Variants in GULP1 observed in about 807,000 individuals in gnomAD.
The protein encoded by GULP1 is PTB domain-containing engulfment adapter protein 1.
A neutral mutation model predicts 40.9 loss-of-function variants in GULP1; 19 were observed. The observed-to-expected ratio is 0.46, with a 90% CI of 0.32 to 0.68. The LOEUF (loss-of-function observed/expected upper bound fraction) is 0.68, where lower values mean the gene tolerates loss of function less well. GULP1 is among the 30% of genes least tolerant of loss of function. GULP1 has a pLI of 0.03. For missense variants in GULP1, 312 were observed against 362.2 expected, an observed-to-expected ratio of 0.86 and a Z score of 1.12; for synonymous variants, 119 against 117.6, an observed-to-expected ratio of 1.01 and a Z score of -0.08.
chr2:188,410,753 A>G (rs1242467798), intron 2 of GULP1, among the ~76,000 whole-genome samples: 2 of 152,194 alleles, frequency 1.3e-5, no homozygotes, highest in African/African-American at 4.8e-5. Flanking sequence ...CCTCTAGGTT[A>G]GCAGATGGAA....
At chr2:188,367,495 G>T (rs1229352265) in intron 1 of GULP1, among the ~76,000 whole-genome samples, 4 of 152,114 alleles carry the variant, frequency 2.6e-5, no homozygotes, top group Non-Finnish European at 4.4e-5. Flanking sequence ...AGAATCAGGT[G>T]GTATTTAATA....
At chr2:188,515,343 A>G (rs1024301060) in intron 4 of GULP1, among the ~76,000 whole-genome samples, 5 of 152,144 alleles carry the variant, frequency 3.3e-5, no homozygotes, top group Admixed American at 2.0e-4. Context: ...CTGAGGACCC[A>G]GGATGCTGGC....
chr2:188,354,349 G>A (rs2044954329), intron 1 of GULP1, among the ~76,000 whole-genome samples: 1 of 152,126 alleles, frequency 6.6e-6, no homozygotes, highest in Non-Finnish European at 1.5e-5. Context: ...TAGGGCAGAA[G>A]TGCTCTGAAG....
intron 2 of GULP1, among the ~76,000 whole-genome samples, chr2:188,416,215 C>G (rs1490499804): frequency 6.6e-6 from 1 of 152,130 alleles, no homozygotes; most frequent in African/African-American, 2.4e-5. Flanking sequence ...CTCCCTTCCC[C>G]TGTCCCACAC....
At chr2:188,320,955 T>C (rs189286088) in intron 1 of GULP1, among the ~76,000 whole-genome samples, 1 of 151,696 alleles carries the variant, frequency 6.6e-6, no homozygotes, top group Non-Finnish European at 1.5e-5. Flanking sequence ...AAACCAACTG[T>C]CCTTCAGAGT....
intron 4 of GULP1, among the ~76,000 whole-genome samples, chr2:188,517,473 G>T (rs964186936): frequency 6.6e-6 from 1 of 151,196 alleles, no homozygotes; most frequent in African/African-American, 2.4e-5. Flanking sequence ...TTTTTATTGC[G>T]CTCCCTCTAC....
At chr2:188,401,398 A>T (rs1273445358) in intron 2 of GULP1, among the ~76,000 whole-genome samples, 3 of 152,076 alleles carry the variant, frequency 2.0e-5, no homozygotes, top group African/African-American at 7.2e-5. Flanking sequence ...GGGTGCTTTT[A>T]TTTATGTATT....
intron 1 of GULP1, among the ~76,000 whole-genome samples, chr2:188,338,078 A>T (rs892100821): frequency 1.1e-4 from 17 of 152,072 alleles, no homozygotes; most frequent in Non-Finnish European, 2.2e-4. Flanking sequence ...ATTATAAATT[A>T]AATTCCTTTA....
At chr2:188,364,302 G>A (rs2046457094) in intron 1 of GULP1, among the ~76,000 whole-genome samples, 1 of 151,988 alleles carries the variant, frequency 6.6e-6, no homozygotes, top group Non-Finnish European at 1.5e-5. Context: ...CAGGGTTATT[G>A]GGTTACTTAA....
chr2:188,392,520 AGTTT>A (rs1162447285), intron 2 of GULP1, among the ~76,000 whole-genome samples: 4 of 151,780 alleles, frequency 2.6e-5, no homozygotes, highest in South Asian at 4.2e-4. Context: ...TGGTCTATCT[AGTTT>A]GTTTATCTTT....
intron 1 of GULP1, among the ~76,000 whole-genome samples, chr2:188,365,875 T>A (rs566358446): frequency 6.6e-6 from 1 of 152,290 alleles, no homozygotes; most frequent in African/African-American, 2.4e-5. Context: ...AAGCCATGAA[T>A]GTGCTGCAGA....
chr2:188,532,851 G>T (rs979631402), intron 6 of GULP1, among the ~76,000 whole-genome samples: 1 of 152,054 alleles, frequency 6.6e-6, no homozygotes, highest in Non-Finnish European at 1.5e-5. Flanking sequence ...AACCCGGTAG[G>T]TGGAGGTTGC....
intron 7 of GULP1, among the ~76,000 whole-genome samples, chr2:188,548,087 T>A (rs902998316): frequency 2.0e-5 from 3 of 152,056 alleles, no homozygotes; most frequent in Non-Finnish European, 4.4e-5. Context: ...CTTTTCACTC[T>A]CTTGGCTCAT....
intron 9 of GULP1, among the ~76,000 whole-genome samples, chr2:188,572,146 T>A (rs1699182225): frequency 6.6e-6 from 1 of 152,194 alleles, no homozygotes; most frequent in Non-Finnish European, 1.5e-5. Context: ...ACAGGAGGAA[T>A]GACAAGATGA....
chr2:188,455,779 G>C (rs180920750), intron 2 of GULP1, among the ~76,000 whole-genome samples: 27 of 152,298 alleles, frequency 1.8e-4, no homozygotes, highest in African/African-American at 6.0e-4. Flanking sequence ...AGTTTGGAGG[G>C]CTCAGAAGAA....
chr2:188,515,742 G>A (rs1321836008), intron 4 of GULP1, among the ~76,000 whole-genome samples: 1 of 151,170 alleles, frequency 6.6e-6, no homozygotes, highest in Non-Finnish European at 1.5e-5. Flanking sequence ...CACTCATGAG[G>A]ATAAAATCCA....
chr2:188,572,666 T>C (rs1699310161), intron 9 of GULP1, among the ~76,000 whole-genome samples: 1 of 152,216 alleles, frequency 6.6e-6, no homozygotes, highest in South Asian at 2.1e-4. Context: ...TCTTATCATA[T>C]GATTTTTTAA....
At chr2:188,506,339 A>G (rs976318277) in intron 4 of GULP1, among the ~76,000 whole-genome samples, 14 of 151,924 alleles carry the variant, frequency 9.2e-5, no homozygotes, top group African/African-American at 3.4e-4. Flanking sequence ...GTTTGCATTT[A>G]TATAATTTCA....
chr2:188,336,927 C>T (rs1485720267), intron 1 of GULP1, among the ~76,000 whole-genome samples: 1 of 152,084 alleles, frequency 6.6e-6, no homozygotes, highest in Non-Finnish European at 1.5e-5. Context: ...TAGGGCAATC[C>T]ATGATAATTT....
Sources: allele counts gnomAD v4.1 joint callset (sites outside exome capture counted in the v4.1 genomes callset), GRCh38; gene constraint gnomAD v4.1.1; transcripts MANE v1.5; gene names NCBI Gene and HGNC (gene_info 2026-07-23, HGNC 2026-07-21).